The following TENM1 variants were observed in gnomAD, a reference collection of about 807,000 sequenced individuals.
The protein encoded by TENM1 is teneurin transmembrane protein 1, also known as teneurin-1.
TENM1 carries 35 observed loss-of-function variants against 174.8 expected under a neutral mutation model. The ratio of observed to expected loss-of-function variants is 0.20; its 90% CI spans 0.15 to 0.27. TENM1 has a LOEUF of 0.27. TENM1 is among the 10% of genes least tolerant of loss of function. The probability of loss-of-function intolerance (pLI) is 1.00; values close to 1 mark genes in which losing one functional copy is unlikely to be tolerated. For synonymous variants in TENM1, 781 were observed against 798.7 expected (o/e 0.98, Z 0.37); for missense variants, 1,633 against 2,130.1 (o/e 0.77, Z 4.59).
intron 3 of TENM1, among the ~76,000 whole-genome samples, chrX:124,891,397 CAT>C (rs1353597596): frequency 1.8e-5 from 2 of 111,140 alleles, no homozygotes; most frequent in Non-Finnish European, 3.8e-5. Flanking sequence ...CAAAACATCA[CAT>C]GTTGTAACCC....
chrX:124,961,771 G>A (rs2058658296), intron 1 of TENM1, among the ~76,000 whole-genome samples: 2 of 112,013 alleles, frequency 1.8e-5, no homozygotes, highest in Non-Finnish European at 3.8e-5. Flanking sequence ...TTGTAAGCTA[G>A]GCCTTGAAAG....
At chrX:124,601,084 C>T (rs1391005000) in intron 11 of TENM1, among the ~76,000 whole-genome samples, 2 of 111,661 alleles carry the variant, frequency 1.8e-5, no homozygotes, top group Non-Finnish European at 3.8e-5. Context: ...ATTATTTGTA[C>T]TGTACTTTCA....
chrX:124,544,724 T>G (rs2048393243), intron 15 of TENM1, among the ~76,000 whole-genome samples: 1 of 112,003 alleles, frequency 8.9e-6, no homozygotes. Flanking sequence ...CCAGGCTTAT[T>G]TAAGGACCCA....
intron 3 of TENM1, among the ~76,000 whole-genome samples, chrX:124,744,221 C>G (rs939226446): frequency 9.0e-6 from 1 of 111,659 alleles, no homozygotes; most frequent in African/African-American, 3.2e-5. Context: ...AGTAATTGCT[C>G]AAACTACCTA....
In TENM1 at chrX:124,801,212, T is replaced by G. The variant is rs140287318; in HGVS notation, c.536-64015A>C. 3.4e-3 allele frequency among the ~76,000 whole-genome samples: 379 copies of G among 111,604 alleles called. 8 individuals carry two copies. Among genetic ancestry groups the G allele is most frequent in the Admixed American group, 0.032 (336 of 10,519 alleles). ...ACAGTGGGGTGTTAAATTTTCCCAT[T>G]ATTATTGTGTGGGAGTCTAAGTCTC... On this transcript the variant is annotated intron_variant, in intron 3 of 31. Coordinates refer to ENST00000422452, the Ensembl canonical transcript of TENM1.
intron 4 of TENM1, among the ~76,000 whole-genome samples, chrX:124,718,166 A>G (rs949164706): frequency 1.8e-5 from 2 of 112,211 alleles, no homozygotes; most frequent in African/African-American, 6.5e-5. Context: ...CATGCCCCCA[A>G]ATAGTGCAGG....
the TENM1 span, among the ~76,000 whole-genome samples, chrX:125,065,157 C>T: frequency 8.9e-6 from 1 of 111,986 alleles, no homozygotes; most frequent in South Asian, 3.7e-4. Flanking sequence ...ATGGAATGGT[C>T]CAGTCAAAGC....
intron 23 of TENM1, among the ~76,000 whole-genome samples, chrX:124,448,394 T>G: frequency 8.9e-6 from 1 of 111,982 alleles, no homozygotes; most frequent in Non-Finnish European, 1.9e-5. Context: ...TTTCTTCAAC[T>G]GTCTCTTAAG....
chrX:124,794,128 G>C (rs1804333132), intron 3 of TENM1, among the ~76,000 whole-genome samples: 1 of 111,099 alleles, frequency 9.0e-6, no homozygotes, highest in Non-Finnish European at 1.9e-5. Flanking sequence ...TTGAGATAGT[G>C]CTGATATTTT....
At chrX:125,137,353 A>C in the TENM1 span, among the ~76,000 whole-genome samples, 19 of 110,964 alleles carry the variant, frequency 1.7e-4, no homozygotes, top group Non-Finnish European at 3.4e-4. Flanking sequence ...ACCACTTTAA[A>C]AAGCAATAAA....
intron 3 of TENM1, among the ~76,000 whole-genome samples, chrX:124,878,721 A>C (rs1223277088): frequency 7.2e-5 from 8 of 111,506 alleles, no homozygotes; most frequent in Admixed American, 1.9e-4. Flanking sequence ...ACCCAGCCTC[A>C]GGTATCTTTA....
the TENM1 span, among the ~76,000 whole-genome samples, chrX:124,978,733 C>A: frequency 8.9e-6 from 1 of 111,814 alleles, no homozygotes; most frequent in South Asian, 3.8e-4. Flanking sequence ...GTGTTCTATT[C>A]TCCGACAATG....
the TENM1 span, among the ~76,000 whole-genome samples, chrX:125,126,168 G>A: frequency 9.0e-6 from 1 of 111,610 alleles, no homozygotes; most frequent in Non-Finnish European, 1.9e-5. Context: ...CTTTATTCCA[G>A]GAAGACTCCT....
At chrX:125,130,529 T>C in the TENM1 span, among the ~76,000 whole-genome samples, 2 of 111,247 alleles carry the variant, frequency 1.8e-5, no homozygotes, top group South Asian at 3.8e-4. Context: ...TAGGTGATGA[T>C]AGTATTTAAT....
intron 1 of TENM1, among the ~76,000 whole-genome samples, chrX:124,936,176 A>G (rs139209040): frequency 7.3e-4 from 82 of 111,931 alleles, no homozygotes; most frequent in African/African-American, 2.5e-3. Context: ...CAAAGCCCTT[A>G]GGTCTTGTCT....
the TENM1 span, among the ~76,000 whole-genome samples, chrX:125,106,602 C>T: frequency 1.8e-5 from 2 of 110,021 alleles, no homozygotes; most frequent in Admixed American, 9.7e-5. Flanking sequence ...GTAGAGACAG[C>T]GTTTCACCGT....
the TENM1 span, among the ~76,000 whole-genome samples, chrX:125,035,981 A>C: frequency 9.0e-6 from 1 of 111,024 alleles, no homozygotes; most frequent in Non-Finnish European, 1.9e-5. Flanking sequence ...GCTACTCTGG[A>C]GACTGAGGGT....
chrX:124,948,189 G>C (rs6608225), intron 1 of TENM1, among the ~76,000 whole-genome samples: 8,973 of 111,517 alleles, frequency 0.08, 877 homozygotes, highest in African/African-American at 0.28. Context: ...GTAGTAATTG[G>C]ATCATAAAAC....
the TENM1 span, among the ~76,000 whole-genome samples, chrX:125,095,307 C>T: frequency 2.7e-5 from 3 of 111,704 alleles, no homozygotes; most frequent in Non-Finnish European, 5.7e-5. Context: ...CTCCAGGATC[C>T]AATTTAGTGT....
Sources: allele counts gnomAD v4.1 joint callset (sites outside exome capture counted in the v4.1 genomes callset), GRCh38; gene constraint gnomAD v4.1.1; transcripts MANE v1.5; gene names NCBI Gene and HGNC (gene_info 2026-07-23, HGNC 2026-07-21).